Variants in CSMD1 observed in about 807,000 individuals in gnomAD.
The protein encoded by CSMD1 is CUB and Sushi multiple domains 1.
CSMD1 carries 213 observed loss-of-function variants against 417.5 expected under a neutral mutation model. That is an observed-to-expected ratio of 0.51 (90% confidence interval 0.46 to 0.57). CSMD1 has a LOEUF of 0.57. Among genes scored for constraint, CSMD1 ranks in the 20% least tolerant of loss-of-function variants. The pLI is 0.00. For missense variants in CSMD1, 6,923 were observed against 4,529.7 expected (o/e 1.53, Z -15.17); for synonymous variants, 2,862 against 1,736.8 (o/e 1.65, Z -16.11).
chr8:4,724,201 T>C lies in CSMD1; in HGVS notation c.86-86643A>G, dbSNP rs190426901. On this transcript the variant is annotated intron_variant, in intron 1 of 69. Coordinates refer to ENST00000635120, the MANE Select transcript of CSMD1 (RefSeq NM_033225.6). The stretch of plus-strand genomic sequence containing the variant: ...TTCATGAGTTTTATGATAATAATTA[T>C]AGTCTCAAAACAAAATATTAACCTT... 7.9e-5 allele frequency among the ~76,000 whole-genome samples: 12 copies of C among 152,268 alleles called. No homozygotes were observed. The East Asian group carries it at 1.9e-3, about 24-fold the overall frequency.
At chr8:3,901,225 C>G (rs1807731070) in intron 5 of CSMD1, among the ~76,000 whole-genome samples, 1 of 152,098 alleles carries the variant, frequency 6.6e-6, no homozygotes, top group Admixed American at 6.6e-5. Flanking sequence ...ATTTTTATTT[C>G]AAATGCTTAG....
At chr8:4,919,738 G>A (rs969137344) in intron 1 of CSMD1, among the ~76,000 whole-genome samples, 4 of 152,070 alleles carry the variant, frequency 2.6e-5, no homozygotes, top group African/African-American at 9.7e-5. Context: ...TTGGAAGCTG[G>A]GCCTAGAATA....
chr8:4,685,796 T>C (rs955513603), intron 1 of CSMD1, among the ~76,000 whole-genome samples: 1 of 152,198 alleles, frequency 6.6e-6, no homozygotes, highest in African/African-American at 2.4e-5. Context: ...GGTGCAAAAG[T>C]AATTGGAGTT....
chr8:3,939,410 T>C (rs1465747875), intron 5 of CSMD1, among the ~76,000 whole-genome samples: 2 of 152,280 alleles, frequency 1.3e-5, no homozygotes, highest in Non-Finnish European at 2.9e-5. Flanking sequence ...ACACTACTGG[T>C]GTGTGTATAA....
intron 1 of CSMD1, among the ~76,000 whole-genome samples, chr8:4,755,923 T>G (rs1374273002): frequency 6.6e-6 from 1 of 152,324 alleles, no homozygotes; most frequent in East Asian, 1.9e-4. Flanking sequence ...TCCAGTGAAC[T>G]CTACACATTA....
chr8:3,753,228 T>A (rs1282008874), intron 6 of CSMD1, among the ~76,000 whole-genome samples: 1 of 152,232 alleles, frequency 6.6e-6, no homozygotes, highest in Admixed American at 6.5e-5. Flanking sequence ...AAAGTCATGT[T>A]ATTTTAATTT....
chr8:3,989,641 G>C (rs1239751581), intron 5 of CSMD1, among the ~76,000 whole-genome samples: 1 of 152,164 alleles, frequency 6.6e-6, no homozygotes, highest in Non-Finnish European at 1.5e-5. Context: ...AAAAATTAAA[G>C]TCTTTATGAT....
chr8:2,982,924 C>A (rs1805548382), intron 54 of CSMD1, among the ~76,000 whole-genome samples: 1 of 152,112 alleles, frequency 6.6e-6, no homozygotes, highest in Non-Finnish European at 1.5e-5. Flanking sequence ...AGCTGAAGGG[C>A]AGTAACAGGG....
At chr8:3,815,971 T>G (rs554204104) in intron 5 of CSMD1, among the ~76,000 whole-genome samples, 29 of 152,298 alleles carry the variant, frequency 1.9e-4, no homozygotes, top group African/African-American at 7.0e-4. Flanking sequence ...TCCAATAGGT[T>G]TACTTGATGA....
At chr8:2,961,105 C>A in intron 62 of CSMD1, 36 bp downstream of exon 62, 3 of 1,358,790 alleles carry the variant, frequency 2.2e-6, no homozygotes, top group Non-Finnish European at 3.0e-6. Context: ...TTTTATATTT[C>A]CAGAAAGAAA....
intron 32 of CSMD1, among the ~76,000 whole-genome samples, 180 bp downstream of exon 32, chr8:3,201,432 G>A (rs1220975358): frequency 6.6e-6 from 1 of 152,118 alleles, no homozygotes; most frequent in African/African-American, 2.4e-5. Context: ...GATTTTATGT[G>A]TGAGATAAAA....
At position 4,428,537 on chromosome 8, in the gene CSMD1, T is replaced by A. The variant is rs1277323776; in HGVS notation, c.303-8472A>T. Among the ~76,000 whole-genome samples, 3 of 152,178 alleles carry A rather than the reference T, an allele frequency of 2.0e-5. No individual in the cohort carries two copies. In the East Asian group the frequency reaches 5.8e-4, roughly 29 times the overall value. ...GTCAGAGCAGGTATACACACAGAAG[T>A]ATGTTAACATGTATTTTCCTACAAT... is the stretch of plus-strand genomic sequence containing the variant. On this transcript the variant is annotated intron_variant, in intron 2 of 69. Transcript: ENST00000635120.
At chr8:4,302,912 C>A (rs1798055738) in intron 3 of CSMD1, among the ~76,000 whole-genome samples, 1 of 151,938 alleles carries the variant, frequency 6.6e-6, no homozygotes, top group Admixed American at 6.6e-5. Context: ...ACTCAAAAGA[C>A]AGATTTTTTT....
chr8:3,215,136 G>C (rs550747546), intron 29 of CSMD1, among the ~76,000 whole-genome samples: 3 of 152,268 alleles, frequency 2.0e-5, no homozygotes, highest in Admixed American at 1.3e-4. Context: ...TGGAGAATTT[G>C]GCTTCTCAAA....
intron 52 of CSMD1, among the ~76,000 whole-genome samples, chr8:3,008,917 A>T (rs1299433771): frequency 3.9e-5 from 6 of 152,178 alleles, no homozygotes; most frequent in African/African-American, 1.4e-4. Context: ...TGAACACCTC[A>T]CATGCAAGTA....
chr8:4,446,735 G>C (rs1370225167), intron 2 of CSMD1, among the ~76,000 whole-genome samples: 2 of 113,722 alleles, frequency 1.8e-5, no homozygotes, highest in Admixed American at 9.5e-5. Context: ...GTGTGTGTCT[G>C]TGTGTGTGTG....
At chr8:4,230,786 T>G (rs1481321503) in intron 3 of CSMD1, among the ~76,000 whole-genome samples, 1 of 152,174 alleles carries the variant, frequency 6.6e-6, no homozygotes, top group East Asian at 1.9e-4. Context: ...TTTCAAGTAA[T>G]TTTTACCTCT....
chr8:3,427,859 G>C (rs1360160569), intron 12 of CSMD1, among the ~76,000 whole-genome samples: 1 of 152,166 alleles, frequency 6.6e-6, no homozygotes, highest in Non-Finnish European at 1.5e-5. Context: ...CTGTCAAATC[G>C]ATTACTGTCA....
intron 18 of CSMD1, among the ~76,000 whole-genome samples, chr8:3,380,226 A>G (rs978498198): frequency 2.6e-5 from 4 of 152,182 alleles, no homozygotes; most frequent in African/African-American, 9.7e-5. Flanking sequence ...GATCACTAAA[A>G]AGTCAGGAAA....
Sources: allele counts gnomAD v4.1 joint callset (sites outside exome capture counted in the v4.1 genomes callset), GRCh38; gene constraint gnomAD v4.1.1; transcripts MANE v1.5; gene names NCBI Gene and HGNC (gene_info 2026-07-23, HGNC 2026-07-21).